The following SDK1 variants were observed in gnomAD, a reference collection of about 807,000 sequenced individuals.
SDK1 encodes protein sidekick-1.
SDK1 carries 157 observed loss-of-function variants against 245.5 expected under a neutral mutation model. The observed-to-expected ratio is 0.64, with a 90% CI of 0.56 to 0.73. The LOEUF (loss-of-function observed/expected upper bound fraction) is 0.73. Among genes scored for constraint, SDK1 ranks in the 30% least tolerant of loss-of-function variants. The probability of loss-of-function intolerance (pLI) is 0.00; values close to 1 mark genes in which losing one functional copy is unlikely to be tolerated. For synonymous variants in SDK1, 1,647 were observed against 1,278.5 expected, an observed-to-expected ratio of 1.29 and a Z score of -6.15; for missense variants, 3,583 against 3,002.3, an observed-to-expected ratio of 1.19 and a Z score of -4.52.
intron 4 of SDK1, among the ~76,000 whole-genome samples, chr7:3,731,148 C>T (rs753796202): frequency 2.6e-5 from 4 of 152,142 alleles, no homozygotes; most frequent in East Asian, 1.9e-4. Flanking sequence ...CATCCATCAC[C>T]GCAGTGGCAG....
At chr7:4,088,908 C>A (rs1781599195) in intron 22 of SDK1, among the ~76,000 whole-genome samples, 1 of 151,832 alleles carries the variant, frequency 6.6e-6, no homozygotes, top group Non-Finnish European at 1.5e-5. Context: ...GGCATCTGCA[C>A]AATGAGGTCA....
chr7:3,670,832 T>A (rs1783678536), intron 4 of SDK1, among the ~76,000 whole-genome samples: 1 of 152,216 alleles, frequency 6.6e-6, no homozygotes, highest in African/African-American at 2.4e-5. Flanking sequence ...TTTTTAGGTA[T>A]CCCCTTTTAC....
chr7:3,704,332 G>A (rs1470615959), intron 4 of SDK1, among the ~76,000 whole-genome samples: 3 of 148,462 alleles, frequency 2.0e-5, no homozygotes, highest in Non-Finnish European at 3.0e-5. Context: ...TGTTCGATGG[G>A]CACTTAGGAT....
At chr7:3,830,250 A>G (rs147696468) in intron 5 of SDK1, among the ~76,000 whole-genome samples, 5 of 152,146 alleles carry the variant, frequency 3.3e-5, no homozygotes, top group Admixed American at 3.3e-4. Context: ...ATGAGTATTC[A>G]TTTACGTCTC....
intron 17 of SDK1, among the ~76,000 whole-genome samples, chr7:4,033,738 T>C (rs144337257): frequency 6.6e-6 from 1 of 151,976 alleles, no homozygotes; most frequent in East Asian, 1.9e-4. Flanking sequence ...ACATAAAAAG[T>C]GATGGTACAC....
chr7:4,202,342 C>G (rs1023127741), intron 35 of SDK1, among the ~76,000 whole-genome samples: 8 of 152,240 alleles, frequency 5.3e-5, no homozygotes, highest in Non-Finnish European at 1.5e-5. Flanking sequence ...CTGGTCCCTC[C>G]CGCTGCCGCC....
chr7:3,390,338 A>C (rs1212758023), intron 1 of SDK1, among the ~76,000 whole-genome samples: 1 of 152,198 alleles, frequency 6.6e-6, no homozygotes, highest in Non-Finnish European at 1.5e-5. Flanking sequence ...AGCTTTGCTC[A>C]TCAGCCTTTT....
chr7:4,195,451 C>A (rs1050462615), intron 35 of SDK1, among the ~76,000 whole-genome samples: 1 of 152,178 alleles, frequency 6.6e-6, no homozygotes, highest in Non-Finnish European at 1.5e-5. Context: ...CCCCACGTCA[C>A]TCTCCATCCT....
chr7:3,368,684 C>T (rs1364155993), intron 1 of SDK1, among the ~76,000 whole-genome samples: 1 of 152,146 alleles, frequency 6.6e-6, no homozygotes, highest in Non-Finnish European at 1.5e-5. Flanking sequence ...ATTTTCACTT[C>T]TAGAAGTGAG....
chr7:3,490,138 A>G lies in SDK1; in HGVS notation c.299-128942A>G, dbSNP rs143872925. On this transcript the variant is annotated intron_variant, in intron 1 of 44. Coordinates refer to ENST00000404826, the MANE Select transcript of SDK1 (RefSeq NM_152744.4). ...AAAGAAATCTGTCTTAAGTGAAACT[A>G]TGGACTACTAGTATAGTGTATCTTG... Among the ~76,000 whole-genome samples the G allele has an allele frequency of 3.5e-3, 539 of 152,338 alleles. 7 individuals carry two copies. Among genetic ancestry groups the G allele is most frequent in the African/African-American group, 0.012 (490 of 41,582 alleles).
chr7:3,527,777 G>A (rs1039920597), intron 1 of SDK1, among the ~76,000 whole-genome samples: 1 of 150,784 alleles, frequency 6.6e-6, no homozygotes, highest in African/African-American at 2.4e-5. Flanking sequence ...GGTAGGTGAG[G>A]TTGGATCATA....
chr7:3,996,248 C>G lies in SDK1; in HGVS notation c.2131+8926C>G, dbSNP rs142802519. Among the ~76,000 whole-genome samples, 126 of 152,190 alleles carry G rather than the reference C, an allele frequency of 8.3e-4. 1 individual carries two copies. The highest frequency in any genetic ancestry group is 3.0e-3 in the African/African-American group (124 of 41,540). ...TGTGGATTATTTAGTTCCATTGATT[C>G]ATTATCTCTTTTTCTGCCAGTTTTA... On this transcript the variant is annotated intron_variant, in intron 14 of 44. Coordinates refer to ENST00000404826, the MANE Select transcript of SDK1 (RefSeq NM_152744.4).
At position 3,364,233 on chromosome 7, in the gene SDK1, C is replaced by G. The variant is rs371801386; in HGVS notation, c.298+62349C>G. 3.3e-5 allele frequency among the ~76,000 whole-genome samples: 5 copies of G among 152,280 alleles called. 1 individual carries two copies. The highest frequency in any genetic ancestry group is 1.2e-4 in the African/African-American group (5 of 41,552). Reference sequence around the variant, plus strand: ...TACAAATATATTCTCACTCTGTAGACTCTATTTCCATTCTTTTAACAGGGT... The same window carrying G: ...TACAAATATATTCTCACTCTGTAGAGTCTATTTCCATTCTTTTAACAGGGT... On this transcript the variant is annotated intron_variant, in intron 1 of 44. Transcript: ENST00000404826.
At chr7:4,167,268 T>A (rs1159050804) in intron 32 of SDK1, among the ~76,000 whole-genome samples, 5 of 152,010 alleles carry the variant, frequency 3.3e-5, no homozygotes, top group Non-Finnish European at 5.9e-5. Context: ...CGGGCACCTA[T>A]AGTCCCAGCT....
At chr7:3,882,628 T>C (rs753446105) in intron 5 of SDK1, among the ~76,000 whole-genome samples, 1 of 152,200 alleles carries the variant, frequency 6.6e-6, no homozygotes, top group Non-Finnish European at 1.5e-5. Flanking sequence ...CAGTGTAGAA[T>C]GTAAATAGCA....
At chr7:3,750,634 G>A (rs1381221791) in intron 4 of SDK1, among the ~76,000 whole-genome samples, 1 of 152,182 alleles carries the variant, frequency 6.6e-6, no homozygotes, top group Non-Finnish European at 1.5e-5. Flanking sequence ...TGAGCAAGAG[G>A]AAGCATCAGC....
At chr7:3,940,250 T>A (rs1190758573) in intron 5 of SDK1, among the ~76,000 whole-genome samples, 2 of 152,224 alleles carry the variant, frequency 1.3e-5, no homozygotes, top group African/African-American at 4.8e-5. Flanking sequence ...AACAGAATAG[T>A]GATTCAAGTT....
chr7:3,775,020 C>A lies in SDK1; in HGVS notation c.714-46430C>A, dbSNP rs10281383. On this transcript the variant is annotated intron_variant, in intron 4 of 44. Transcript: ENST00000404826. The stretch of plus-strand genomic sequence containing the variant: ...AGGGAACTGTGAAGGCTGGACAGTG[C>A]TCGGCGCTGATCGATGGCAGGGTCA... 5.6e-3 allele frequency among the ~76,000 whole-genome samples: 847 copies of A among 152,292 alleles called. 8 individuals carry two copies. The highest frequency in any genetic ancestry group is 0.02 in the African/African-American group (814 of 41,562).
At chr7:3,356,969 C>T (rs571277686) in intron 1 of SDK1, among the ~76,000 whole-genome samples, 29 of 88,896 alleles carry the variant, frequency 3.3e-4, no homozygotes, top group Admixed American at 9.2e-4. Flanking sequence ...GCAGAAGAAC[C>T]GCTTGAACCT....
Sources: allele counts gnomAD v4.1 joint callset (sites outside exome capture counted in the v4.1 genomes callset), GRCh38; gene constraint gnomAD v4.1.1; transcripts MANE v1.5; gene names NCBI Gene and HGNC (gene_info 2026-07-23, HGNC 2026-07-21).